The following PRKDC variants were observed in gnomAD, a reference collection of about 807,000 sequenced individuals.
The protein encoded by PRKDC is DNA-dependent protein kinase catalytic subunit.
Under a neutral mutation model 486.9 loss-of-function variants are expected in PRKDC, and 82 were observed. The observed-to-expected ratio is 0.17, with a 90% CI of 0.14 to 0.20. The LOEUF (loss-of-function observed/expected upper bound fraction) is 0.20. Ranked by LOEUF, PRKDC falls within the 10% of genes least tolerant of loss-of-function variation. The pLI, the probability that PRKDC is intolerant of heterozygous loss-of-function variation, is 1.00. For missense variants in PRKDC, 4,504 were observed against 5,038.2 expected (o/e 0.89, Z 3.21); for synonymous variants, 1,895 against 1,837.0 (o/e 1.03, Z -0.81).
rs781183028 is a variant in PRKDC at position 47,944,955 on chromosome 8, A to T, written c.722-926T>A. ...AGCTACTTTGGAATTCATGACAAGCAGATTTCTTCTGACTATGAGTATTCT... is the reference window on the plus strand; with the variant it reads ...AGCTACTTTGGAATTCATGACAAGCTGATTTCTTCTGACTATGAGTATTCT... On this transcript the variant is annotated intron_variant, in intron 7 of 85. Transcript: ENST00000314191. Among the ~76,000 whole-genome samples the T allele has an allele frequency of 1.6e-4, 24 of 152,254 alleles. 1 individual carries two copies. Among genetic ancestry groups the T allele is most frequent in the Non-Finnish European group, 3.2e-4 (22 of 68,042 alleles).
chr8:47,798,908 A>G (rs1322285805), intron 72 of PRKDC, among the ~76,000 whole-genome samples: 1 of 151,728 alleles, frequency 6.6e-6, no homozygotes, highest in Non-Finnish European at 1.5e-5. Context: ...TCCTGGGTTC[A>G]AGCAATTCTC....
At chr8:47,862,729 T>C (rs2088705638) in intron 42 of PRKDC, among the ~76,000 whole-genome samples, 188 bp from the exon 43 acceptor site, 1 of 152,176 alleles carries the variant, frequency 6.6e-6, no homozygotes, top group Admixed American at 6.5e-5. Context: ...AAAGGCAGCA[T>C]ATATACATGG....
chr8:47,782,352 C>T lies in PRKDC; in HGVS notation c.11396+26G>A. 2 of 1,608,718 alleles carry T rather than the reference C, an allele frequency of 1.2e-6. No individual in the cohort carries two copies. The highest frequency in any genetic ancestry group is 2.2e-5 in the East Asian group (1 of 44,784). On this transcript the variant is annotated intron_variant, in intron 79 of 85. Transcript: ENST00000314191. The surrounding 1 kb of genome is among the most constrained non-coding windows in gnomAD (Gnocchi z 4.9). ...ACGCCAAGCAATATGCAGCAGCCTA[C>T]TGGCTGGGAGCAGCCTGGCAGTTAC...
chr8:47,800,701 G>C (rs945232811), intron 71 of PRKDC, 92 bp downstream of exon 71: 3 of 1,180,582 alleles, frequency 2.5e-6, no homozygotes, highest in African/African-American at 1.6e-5. Context: ...AAAACACAAA[G>C]CAACATCCTT....
At position 47,832,851 on chromosome 8, in the gene PRKDC, T is replaced by C. The variant is rs528920811; in HGVS notation, c.8153-925A>G. On this transcript the variant is annotated intron_variant, in intron 59 of 85. Transcript: ENST00000314191. ...ACGGATCTACGCCCAAGGACACTTG[T>C]GCGCAATGTCAGAACACTGGTTTAA... Among the ~76,000 whole-genome samples, 2 of 152,314 alleles carry C rather than the reference T, an allele frequency of 1.3e-5. 1 individual carries two copies. Among genetic ancestry groups the C allele is most frequent in the South Asian group, 4.1e-4 (2 of 4,826 alleles).
At chr8:47,833,707 C>T (rs1371390152) in intron 59 of PRKDC, among the ~76,000 whole-genome samples, 2 of 152,178 alleles carry the variant, frequency 1.3e-5, no homozygotes, top group Non-Finnish European at 2.9e-5. Flanking sequence ...TGCCCCGAAG[C>T]GTCCCTTCAC....
chr8:47,824,468 CAAAAAAAAAAAAAA>C (rs11369602), intron 63 of PRKDC, among the ~76,000 whole-genome samples: 768 of 37,754 alleles, frequency 0.02, 33 homozygotes, highest in African/African-American at 0.08. Flanking sequence ...GACTCCGCCT[CAAAAAAAAAAAAAA>C]AAAAAAAAAA....
chr8:47,859,558 C>A, intron 46 of PRKDC, 53 bp downstream of exon 46: 1 of 1,577,996 alleles, frequency 6.3e-7, no homozygotes, highest in Non-Finnish European at 8.6e-7. Flanking sequence ...AGCTGTGACC[C>A]CCTTTCTTCA....
chr8:47,926,189 G>A (rs1234824215), intron 21 of PRKDC, among the ~76,000 whole-genome samples: 1 of 152,048 alleles, frequency 6.6e-6, no homozygotes, highest in Non-Finnish European at 1.5e-5. Context: ...CTCAAATAAT[G>A]GCACTCCTTA....
intron 40 of PRKDC, among the ~76,000 whole-genome samples, chr8:47,873,480 G>A (rs958065940): frequency 1.2e-4 from 19 of 152,116 alleles, no homozygotes; most frequent in Admixed American, 6.5e-4. Flanking sequence ...GGAGGCAGAG[G>A]TTGCAGTGAG....
At chr8:47,955,403 A>G (rs1445526500) in intron 4 of PRKDC, among the ~76,000 whole-genome samples, 20 of 134,128 alleles carry the variant, frequency 1.5e-4, no homozygotes, top group Admixed American at 5.7e-4. Context: ...CGGAGCTTGC[A>G]GTGAGCCGAG....
intron 36 of PRKDC, among the ~76,000 whole-genome samples, chr8:47,885,483 G>A (rs984877328): frequency 7.2e-5 from 11 of 152,088 alleles, no homozygotes; most frequent in African/African-American, 2.7e-4. Flanking sequence ...TAAGGGGTAT[G>A]TTTTGGGTTT....
rs1372047743 is a variant in PRKDC, at chr8:47,960,120, C to T, written c.7G>A (p.Gly3Ser). 6 of 1,499,220 alleles carry T rather than the reference C, an allele frequency of 4.0e-6. No homozygotes were observed. Among genetic ancestry groups the T allele is most frequent in the South Asian group, 3.7e-5 (3 of 81,132 alleles). The allele number at this position is 1,499,220 out of a possible 1,614,324, so 92.9% of individuals were successfully genotyped here. MA[G>S]SGAGVRCSLL... is the part of the protein sequence containing the mutation. ...GAGCAACGCACACCGGCTCCGGAGCCCGCCATGCCGCCGAGTCCCGCTCCC... is the reference window on the plus strand; with the variant it reads ...GAGCAACGCACACCGGCTCCGGAGCTCGCCATGCCGCCGAGTCCCGCTCCC... Residue 3 changes from glycine to serine, a missense_variant, in exon 1 of 86, where the codon GGC (glycine) becomes AGC (serine). Around this residue, in one of 6 missense-constraint regions of PRKDC, gnomAD observed 145 missense variants for 136.3 expected, o/e 1.06. Coordinates refer to ENST00000314191, the MANE Select transcript of PRKDC (RefSeq NM_006904.7).
chr8:47,794,252 G>A (rs529813081), intron 74 of PRKDC, 38 bp downstream of exon 74: 2 of 1,518,378 alleles, frequency 1.3e-6, no homozygotes, highest in African/African-American at 2.7e-5. Flanking sequence ...ATAACCTATA[G>A]TATTTGATCA....
At chr8:47,887,498 T>C (rs1366585539) in intron 35 of PRKDC, 49 bp downstream of exon 35, 10 of 1,448,402 alleles carry the variant, frequency 6.9e-6, no homozygotes, top group Admixed American at 5.2e-5. Context: ...AAGTGACATA[T>C]GTATTTCTAT....
chr8:47,958,922 G>C (rs768739403), intron 1 of PRKDC, among the ~76,000 whole-genome samples: 1 of 152,050 alleles, frequency 6.6e-6, no homozygotes, highest in East Asian at 1.9e-4. Flanking sequence ...TTTTAGTAGA[G>C]ACAAGGTTTC....
chr8:47,803,495 T>C lies in PRKDC; in HGVS notation c.9748-15A>G. 3.1e-6 allele frequency: 5 copies of C among 1,612,770 alleles called. No homozygotes were observed. The highest frequency in any genetic ancestry group is 4.2e-6 in the Non-Finnish European group (5 of 1,178,908). On this transcript the variant is annotated splice_polypyrimidine_tract_variant and intron_variant, in intron 69 of 85. Coordinates refer to ENST00000314191, the MANE Select transcript of PRKDC (RefSeq NM_006904.7). ...GAGAAATTGTTCTGTATGAATACAA[T>C]AAAAAGAGAGAAGGTGGTATGATGA...
At chr8:47,887,369 CTTTTTT>C (rs898786629) in intron 35 of PRKDC, among the ~76,000 whole-genome samples, 172 bp downstream of exon 35, 1 of 147,318 alleles carries the variant, frequency 6.8e-6, no homozygotes, top group Non-Finnish European at 1.5e-5. Flanking sequence ...CTATTCCGTT[CTTTTTT>C]TTTTTAACTA....
At chr8:47,802,479 C>CTTTTT (rs547957995) in intron 70 of PRKDC, among the ~76,000 whole-genome samples, 1 of 130,330 alleles carries the variant, frequency 7.7e-6, no homozygotes, top group Admixed American at 7.8e-5. Context: ...GAGGAAATGG[C>CTTTTT]TTTTTTTTTT....
Sources: gnomAD v4.1 joint callset for allele counts (sites outside exome capture counted in the v4.1 genomes callset) on GRCh38, gnomAD v4.1.1 for gene constraint, gnomAD v4.1.1 regional missense constraint, Gnocchi (gnomAD v3.1) non-coding constraint, MANE v1.5 for transcripts, NCBI Gene and HGNC (gene_info 2026-07-23, HGNC 2026-07-21) for gene names.